IL1RAPL1: variants seen among roughly 807,000 people sequenced by gnomAD.
The protein encoded by IL1RAPL1 is interleukin 1 receptor accessory protein like 1.
A neutral mutation model predicts 48.4 loss-of-function variants in IL1RAPL1; 3 were observed. The observed-to-expected ratio is 0.06, with a 90% CI of 0.03 to 0.16. IL1RAPL1 has a LOEUF of 0.16. Among genes scored for constraint, IL1RAPL1 ranks in the 10% least tolerant of loss-of-function variants. The pLI, the probability that IL1RAPL1 is intolerant of heterozygous loss-of-function variation, is 1.00. For synonymous variants in IL1RAPL1, 185 were observed against 187.7 expected, an observed-to-expected ratio of 0.99 and a Z score of 0.12; for missense variants, 349 against 530.6, an observed-to-expected ratio of 0.66 and a Z score of 3.36.
chrX:29,703,060 T>C (rs1927096227), intron 6 of IL1RAPL1, among the ~76,000 whole-genome samples: 1 of 112,097 alleles, frequency 8.9e-6, no homozygotes, highest in African/African-American at 3.2e-5. Flanking sequence ...GAGAGGTCAA[T>C]AATAAGACAT....
At chrX:29,228,332 A>AGTGTGT (rs1555978439) in intron 2 of IL1RAPL1, among the ~76,000 whole-genome samples, 1,036 of 79,525 alleles carry the variant, frequency 0.013, 15 homozygotes, top group Non-Finnish European at 0.016. Context: ...AGTTTTGCCT[A>AGTGTGT]GTGTGTGTGT....
intron 6 of IL1RAPL1, among the ~76,000 whole-genome samples, chrX:29,758,708 AT>A (rs200416691): frequency 0.022 from 2,328 of 108,106 alleles, 57 homozygotes; most frequent in African/African-American, 0.077. Context: ...AAAAAAAAAA[AT>A]AATAATAATA....
chrX:29,810,168 A>ATTAT (rs762849585), intron 6 of IL1RAPL1, among the ~76,000 whole-genome samples: 3,038 of 109,159 alleles, frequency 0.028, 105 homozygotes, highest in African/African-American at 0.098. Context: ...CCTTTTATGT[A>ATTAT]TTATTTATTT....
intron 6 of IL1RAPL1, among the ~76,000 whole-genome samples, chrX:29,907,512 T>C (rs1005194114): frequency 5.4e-5 from 6 of 111,815 alleles, no homozygotes; most frequent in African/African-American, 1.9e-4. Flanking sequence ...AATTTTTGTT[T>C]TTAGAAAATA....
chrX:28,819,988 ATAT>A, intron 2 of IL1RAPL1, among the ~76,000 whole-genome samples: 1 of 78,303 alleles, frequency 1.3e-5, no homozygotes, highest in South Asian at 6.8e-4. Flanking sequence ...ATATATATAT[ATAT>A]ATATATATAT....
chrX:29,557,132 C>T (rs918738140), intron 5 of IL1RAPL1, among the ~76,000 whole-genome samples: 4 of 111,618 alleles, frequency 3.6e-5, no homozygotes, highest in East Asian at 2.8e-4. Context: ...GGGGCCATCT[C>T]GATACAGCTG....
At chrX:29,338,284 C>T (rs947435420) in intron 3 of IL1RAPL1, among the ~76,000 whole-genome samples, 1 of 111,247 alleles carries the variant, frequency 9.0e-6, no homozygotes, top group East Asian at 2.8e-4. Flanking sequence ...CACACACACA[C>T]GCACATTGCT....
chrX:29,451,159 C>T (rs929707629), intron 5 of IL1RAPL1, among the ~76,000 whole-genome samples: 1 of 106,927 alleles, frequency 9.4e-6, no homozygotes, highest in Non-Finnish European at 1.9e-5. Context: ...TTCTTCTATT[C>T]TTTTTTATTA....
intron 2 of IL1RAPL1, among the ~76,000 whole-genome samples, chrX:28,902,352 A>T (rs1322874668): frequency 9.1e-6 from 1 of 109,908 alleles, no homozygotes; most frequent in African/African-American, 3.3e-5. Flanking sequence ...ATTTTATCAC[A>T]TCATGACACT....
At chrX:29,276,482 T>TTA (rs1932120031) in intron 2 of IL1RAPL1, among the ~76,000 whole-genome samples, 1 of 111,994 alleles carries the variant, frequency 8.9e-6, no homozygotes, top group Non-Finnish European at 1.9e-5. Flanking sequence ...TTTTTAATTA[T>TTA]CAGGGTTAAA....
At chrX:29,676,187 A>G (rs955099682) in intron 6 of IL1RAPL1, among the ~76,000 whole-genome samples, 1 of 111,874 alleles carries the variant, frequency 8.9e-6, no homozygotes, top group African/African-American at 3.2e-5. Context: ...TACTGCTTCT[A>G]TGGAGGTAAT....
chrX:29,928,500 G>A (rs1428912542), intron 8 of IL1RAPL1, among the ~76,000 whole-genome samples: 1 of 111,884 alleles, frequency 8.9e-6, no homozygotes, highest in East Asian at 2.8e-4. Flanking sequence ...TCACTTCACT[G>A]CAGGCTGCTT....
intron 3 of IL1RAPL1, among the ~76,000 whole-genome samples, chrX:29,385,281 C>T (rs1933760418): frequency 8.9e-6 from 1 of 111,791 alleles, no homozygotes; most frequent in Admixed American, 9.5e-5. Flanking sequence ...ATGGAGAAAG[C>T]CCGTCTCTAC....
At chrX:29,606,412 C>T (rs1260888672) in intron 5 of IL1RAPL1, among the ~76,000 whole-genome samples, 2 of 111,995 alleles carry the variant, frequency 1.8e-5, no homozygotes, top group Non-Finnish European at 3.8e-5. Flanking sequence ...AGGAAACTAA[C>T]AGGTGATCTA....
At chrX:28,828,590 T>A (rs903917425) in intron 2 of IL1RAPL1, among the ~76,000 whole-genome samples, 6 of 112,045 alleles carry the variant, frequency 5.4e-5, no homozygotes, top group Non-Finnish European at 9.4e-5. Context: ...TTACTTGTGT[T>A]GGGAACATTC....
Position 29,268,765 on chromosome X carries a change from A to T in IL1RAPL1, c.83-14173A>T, listed in dbSNP as rs758327133. On this transcript the variant is annotated intron_variant, in intron 2 of 10. Coordinates refer to ENST00000378993, the MANE Select transcript of IL1RAPL1 (RefSeq NM_014271.4). ...GCTTATCAAATCTCAGCCCAGCTAGAACAGTGCCCTAGGATACAACAGGCA... is the reference window on the plus strand; with the variant it reads ...GCTTATCAAATCTCAGCCCAGCTAGTACAGTGCCCTAGGATACAACAGGCA... Among the ~76,000 whole-genome samples the T allele has an allele frequency of 1.4e-4, 16 of 112,437 alleles. No individual in the cohort carries two copies. In the South Asian group the frequency reaches 5.6e-3, roughly 39 times the overall value.
chrX:29,861,842 TTTAATC>T (rs1931592022), intron 6 of IL1RAPL1, among the ~76,000 whole-genome samples: 1 of 111,645 alleles, frequency 9.0e-6, no homozygotes, highest in Admixed American at 9.5e-5. Context: ...TATTTCTTCT[TTTAATC>T]TGAATCTAAA....
At chrX:28,970,168 T>C (rs1162603526) in intron 2 of IL1RAPL1, among the ~76,000 whole-genome samples, 1 of 111,779 alleles carries the variant, frequency 8.9e-6, no homozygotes, top group Non-Finnish European at 1.9e-5. Context: ...ACCCAGCTAA[T>C]TTTTTGTATT....
intron 6 of IL1RAPL1, among the ~76,000 whole-genome samples, chrX:29,840,914 A>G (rs183083503): frequency 8.9e-6 from 1 of 112,137 alleles, no homozygotes; most frequent in Non-Finnish European, 1.9e-5. Flanking sequence ...CCAATAACCA[A>G]TGAATTCCTA....
Sources: gnomAD v4.1 joint callset for allele counts (sites outside exome capture counted in the v4.1 genomes callset) on GRCh38, gnomAD v4.1.1 for gene constraint, MANE v1.5 for transcripts, NCBI Gene and HGNC (gene_info 2026-07-23, HGNC 2026-07-21) for gene names.